The following SGMS2 variants were observed in gnomAD, a reference collection of about 807,000 sequenced individuals.
The protein encoded by SGMS2 is sphingomyelin synthase 2, also known as phosphatidylcholine:ceramide cholinephosphotransferase 2.
A neutral mutation model predicts 43.8 loss-of-function variants in SGMS2; 21 were observed. The observed-to-expected ratio is 0.48, with a 90% CI of 0.34 to 0.69. The LOEUF is 0.69. SGMS2 is among the 30% of genes least tolerant of loss of function. SGMS2 has a pLI of 0.01. For missense variants in SGMS2, 384 were observed against 443.2 expected, an observed-to-expected ratio of 0.87 and a Z score of 1.20; for synonymous variants, 167 against 160.6, an observed-to-expected ratio of 1.04 and a Z score of -0.30.
intron 4 of SGMS2, among the ~76,000 whole-genome samples, chr4:107,901,094 C>T (rs1731076173): frequency 6.6e-6 from 1 of 152,132 alleles, no homozygotes; most frequent in African/African-American, 2.4e-5. Flanking sequence ...TAAAGATTGT[C>T]CTCTGTGGAA....
At chr4:107,890,116 T>G (rs1730079732) in intron 2 of SGMS2, among the ~76,000 whole-genome samples, 1 of 152,238 alleles carries the variant, frequency 6.6e-6, no homozygotes, top group African/African-American at 2.4e-5. Flanking sequence ...TTGCAGTAAC[T>G]ATTTTAGTCA....
intron 1 of SGMS2, among the ~76,000 whole-genome samples, chr4:107,847,380 C>G (rs954101659): frequency 5.9e-5 from 9 of 152,206 alleles, no homozygotes; most frequent in African/African-American, 9.6e-5. Flanking sequence ...AATCCTTTCC[C>G]CATTGCTTGT....
rs1021462459 is a variant in SGMS2, at chr4:107,914,248, C to T, written c.*3695C>T. On this transcript the variant is annotated 3_prime_UTR_variant, in exon 7 of 7. Coordinates refer to ENST00000690982, the MANE Select transcript of SGMS2 (RefSeq NM_001375905.1). ...AAAGATAAGTTTTTATACAGATACA[C>T]ACCTTATAAGTTCTGATTTATTTTC... 1.1e-4 allele frequency: 17 copies of T among 152,048 alleles called. No homozygotes were observed. Among genetic ancestry groups the T allele is most frequent in the Admixed American group, 3.9e-4 (6 of 15,258 alleles). 9.4% of individuals were successfully genotyped at this position (152,048 alleles called of 1,614,324 possible).
rs200278270 is a variant in SGMS2 at position 107,910,889 on chromosome 4, AT to A, written c.*337del. Reference sequence around the variant, plus strand: ...CCCTCTACTTCAGAATTTTTTCAGGATATTTTTCAGCCCAAGGTCAGAAGAA... The same window carrying A: ...CCCTCTACTTCAGAATTTTTTCAGGAATTTTTCAGCCCAAGGTCAGAAGAA... On this transcript the variant is annotated 3_prime_UTR_variant, in exon 7 of 7. Coordinates refer to ENST00000690982, the MANE Select transcript of SGMS2 (RefSeq NM_001375905.1). 691 of 216,550 alleles carry A rather than the reference AT, an allele frequency of 3.2e-3. 6 individuals are homozygous for A. The highest frequency in any genetic ancestry group is 0.014 in the African/African-American group (619 of 43,226). 13.4% of individuals were successfully genotyped at this position (216,550 alleles called of 1,614,324 possible). A position where few individuals can be genotyped will look rare whatever the true frequency, so the allele number is the denominator to read the frequency against.
Position 107,851,078 on chromosome 4 carries a change from TAAAAG to T in SGMS2, c.-326-7391_-326-7387del, listed in dbSNP as rs774904620. ...TGCATGTCATCCTGCCTCTAAAACTTAAAAGAAGACTTGAAAAAACTTTGCTTTGT... is the reference window on the plus strand; with the variant it reads ...TGCATGTCATCCTGCCTCTAAAACTTAAGACTTGAAAAAACTTTGCTTTGT... On this transcript the variant is annotated intron_variant, in intron 1 of 6. Coordinates refer to ENST00000690982, the MANE Select transcript of SGMS2 (RefSeq NM_001375905.1). Among the ~76,000 whole-genome samples, 5 of 152,318 alleles carry T rather than the reference TAAAAG, an allele frequency of 3.3e-5. No individual in the cohort carries two copies. The East Asian group carries it at 9.7e-4, about 29-fold the overall frequency.
At chr4:107,835,921 C>T (rs1726143797) in intron 1 of SGMS2, among the ~76,000 whole-genome samples, 2 of 152,058 alleles carry the variant, frequency 1.3e-5, no homozygotes, top group Non-Finnish European at 2.9e-5. Context: ...CCAGTACTGT[C>T]AATGGAAATA....
chr4:107,847,784 A>T (rs1326717863), intron 1 of SGMS2, among the ~76,000 whole-genome samples: 1 of 152,166 alleles, frequency 6.6e-6, no homozygotes, highest in Non-Finnish European at 1.5e-5. Flanking sequence ...TGGTAAATTA[A>T]TAGGCGTTTT....
rs543254569 is a variant in SGMS2 at position 107,882,547 on chromosome 4, G to C, written c.-244-12763G>C. ...GTTTGTAAATATTTTCTCCCATTCT[G>C]TGGGTTGTCCCTTCACTTTGATTGT... On this transcript the variant is annotated intron_variant, in intron 2 of 6. Coordinates refer to ENST00000690982, the MANE Select transcript of SGMS2 (RefSeq NM_001375905.1). Among the ~76,000 whole-genome samples, 69 of 152,096 alleles carry C rather than the reference G, an allele frequency of 4.5e-4. 1 individual carries two copies. The highest frequency in any genetic ancestry group is 1.5e-3 in the African/African-American group (63 of 41,488).
chr4:107,829,220 T>C (rs1186185208), intron 1 of SGMS2, among the ~76,000 whole-genome samples: 2 of 152,224 alleles, frequency 1.3e-5, no homozygotes, highest in African/African-American at 2.4e-5. Context: ...TTAATGAAAG[T>C]GCGAGAAATT....
rs1477919221 is a variant in SGMS2 at position 107,914,213 on chromosome 4, AAT to A, written c.*3661_*3662del. Reference sequence around the variant, plus strand: ...ACACCCAAACACTGAAAATCATGTCAATGTTACCCAAAGATAAGTTTTTATAC... The same window carrying A: ...ACACCCAAACACTGAAAATCATGTCAGTTACCCAAAGATAAGTTTTTATAC... On this transcript the variant is annotated 3_prime_UTR_variant, in exon 7 of 7. Coordinates refer to ENST00000690982, the MANE Select transcript of SGMS2 (RefSeq NM_001375905.1). 1 of 152,088 alleles carries A rather than the reference AAT, an allele frequency of 6.6e-6. No homozygotes were observed. Among genetic ancestry groups the A allele is most frequent in the Non-Finnish European group, 1.5e-5 (1 of 67,968 alleles). The allele number at this position is 152,088 out of a possible 1,614,324, so 9.4% of individuals were successfully genotyped here.
intron 2 of SGMS2, among the ~76,000 whole-genome samples, chr4:107,877,716 G>A (rs1454259961): frequency 6.6e-6 from 1 of 152,040 alleles, no homozygotes; most frequent in Non-Finnish European, 1.5e-5. Flanking sequence ...TATTGAAAGC[G>A]CAAATGTCTG....
intron 2 of SGMS2, among the ~76,000 whole-genome samples, chr4:107,860,525 G>GTTT (rs1361818849): frequency 7.0e-6 from 1 of 142,000 alleles, no homozygotes; most frequent in Admixed American, 7.1e-5. Context: ...AGAGGAAGGT[G>GTTT]TTTTTTTTTT....
In SGMS2 at chr4:107,825,047, A is replaced by C. The variant is rs1352734264; in HGVS notation, c.-533A>C. ...CGGCCTCGGGGGCGGCGGCCGCGGG[A>C]GGGACCCGGAGAGCTGCTTCCCCTA... On this transcript the variant is annotated 5_prime_UTR_variant, in exon 1 of 7. Transcript: ENST00000690982. The C allele has an allele frequency of 1.3e-5, 2 of 151,780 alleles. No homozygotes were observed. Among genetic ancestry groups the C allele is most frequent in the Admixed American group, 1.3e-4 (2 of 15,234 alleles). The allele number at this position is 151,780 out of a possible 1,614,324, so 9.4% of individuals were successfully genotyped here. A position where few individuals can be genotyped will look rare whatever the true frequency, so the allele number is the denominator to read the frequency against.
At chr4:107,879,492 C>T (rs1045083393) in intron 2 of SGMS2, among the ~76,000 whole-genome samples, 3 of 151,264 alleles carry the variant, frequency 2.0e-5, no homozygotes, top group Non-Finnish European at 2.9e-5. Flanking sequence ...GACCGAGTCT[C>T]ACTCTGTTGC....
chr4:107,908,364 C>T (rs778697770), intron 5 of SGMS2: 25 of 532,446 alleles, frequency 4.7e-5, no homozygotes, highest in Middle Eastern at 9.7e-4. Context: ...CTATTACGCC[C>T]GCTGCCAGGG....
chr4:107,886,990 A>G (rs1729806646), intron 2 of SGMS2, among the ~76,000 whole-genome samples: 1 of 152,234 alleles, frequency 6.6e-6, no homozygotes. Flanking sequence ...ACTTTACTCA[A>G]TTGTTAAAAG....
At chr4:107,870,140 C>T (rs376828779) in intron 2 of SGMS2, among the ~76,000 whole-genome samples, 15 of 152,274 alleles carry the variant, frequency 9.9e-5, no homozygotes, top group East Asian at 7.7e-4. Context: ...ATAACTATAT[C>T]AGCCTTTTAT....
At chr4:107,842,124 G>C (rs577259566) in intron 1 of SGMS2, among the ~76,000 whole-genome samples, 2 of 152,124 alleles carry the variant, frequency 1.3e-5, no homozygotes, top group Non-Finnish European at 2.9e-5. Context: ...GCTGTAGTCT[G>C]TATCTTCTGC....
intron 1 of SGMS2, among the ~76,000 whole-genome samples, chr4:107,827,649 G>A (rs965215854): frequency 6.6e-6 from 1 of 152,188 alleles, no homozygotes; most frequent in Non-Finnish European, 1.5e-5. Flanking sequence ...AAGCAAGCTT[G>A]TTTAAATGAA....
Sources: gnomAD v4.1 joint callset for allele counts (sites outside exome capture counted in the v4.1 genomes callset) on GRCh38, gnomAD v4.1.1 for gene constraint, MANE v1.5 for transcripts, NCBI Gene and HGNC (gene_info 2026-07-23, HGNC 2026-07-21) for gene names.